DRAM1: variants seen among roughly 807,000 people sequenced by gnomAD.
The protein encoded by DRAM1 is DNA damage-regulated autophagy modulator protein 1.
A neutral mutation model predicts 28.5 loss-of-function variants in DRAM1; 25 were observed. That is an observed-to-expected ratio of 0.88 (90% CI 0.64 to 1.23). The LOEUF (loss-of-function observed/expected upper bound fraction) is 1.23, where lower values mean the gene tolerates loss of function less well. Among genes scored for constraint, DRAM1 ranks in the 50% most tolerant of loss-of-function variants. The pLI, the probability that DRAM1 is intolerant of heterozygous loss-of-function variation, is 0.00. For missense variants in DRAM1, 249 were observed against 299.2 expected (o/e 0.83, Z 1.24); for synonymous variants, 113 against 114.2 (o/e 0.99, Z 0.07).
chr12:101,909,937 C>T (rs150352184), intron 4 of DRAM1, among the ~76,000 whole-genome samples: 89 of 152,270 alleles, frequency 5.8e-4, no homozygotes, highest in African/African-American at 2.0e-3. Flanking sequence ...GTAGGAAAAT[C>T]GGAACTATGT....
At chr12:101,897,298 CAA>C (rs375719890) in intron 1 of DRAM1, among the ~76,000 whole-genome samples, 12 of 151,988 alleles carry the variant, frequency 7.9e-5, no homozygotes, top group African/African-American at 2.7e-4. Context: ...CTCCCTGGTT[CAA>C]GAGATTTTCC....
chr12:101,887,327 T>A (rs1312316788), intron 1 of DRAM1, among the ~76,000 whole-genome samples: 2 of 152,136 alleles, frequency 1.3e-5, no homozygotes, highest in African/African-American at 4.8e-5. Context: ...AAGACTTCCC[T>A]CCACTTTAAA....
intron 3 of DRAM1, among the ~76,000 whole-genome samples, chr12:101,903,903 G>A (rs1745557046): frequency 7.0e-6 from 1 of 142,322 alleles, no homozygotes; most frequent in Admixed American, 7.4e-5. Flanking sequence ...GGGAGACCGT[G>A]CCTCTGGAAA....
In DRAM1 at chr12:101,890,822, C is replaced by T. The variant is rs1258079456; in HGVS notation, c.132-7041C>T. ...CTGGAGTGCAATGGCGTGATCTCAG[C>T]TCACTGCAACCTCCACTTCCCGGGT... is the stretch of plus-strand genomic sequence containing the variant. On this transcript the variant is annotated intron_variant, in intron 1 of 6. Coordinates refer to ENST00000258534, the MANE Select transcript of DRAM1 (RefSeq NM_018370.3). Among the ~76,000 whole-genome samples the T allele has an allele frequency of 2.7e-5, 4 of 150,312 alleles. No individual in the cohort carries two copies. The East Asian group carries it at 7.8e-4, about 29-fold the overall frequency.
At chr12:101,920,035 C>A (rs754095863) in intron 5 of DRAM1, 74 bp from the exon 6 acceptor site, 25 of 1,083,032 alleles carry the variant, frequency 2.3e-5, no homozygotes, top group Non-Finnish European at 3.3e-5. Context: ...GGTTGAAACT[C>A]CTCATTGTAT....
chr12:101,882,560 A>C (rs1484294815), intron 1 of DRAM1, among the ~76,000 whole-genome samples: 1 of 151,368 alleles, frequency 6.6e-6, no homozygotes, highest in Non-Finnish European at 1.5e-5. Context: ...ATATTGGATA[A>C]ATTGGCAAAT....
intron 3 of DRAM1, among the ~76,000 whole-genome samples, chr12:101,903,806 G>A (rs180946150): frequency 2.6e-5 from 4 of 151,942 alleles, no homozygotes; most frequent in Non-Finnish European, 5.9e-5. Flanking sequence ...GCTCATACCT[G>A]TAATCCCAGC....
In DRAM1 at chr12:101,901,294, C is replaced by G; in HGVS notation, c.203C>G (p.Ala68Gly). Reference sequence around the variant, plus strand: ...TCAAAGTTCTCTTCTTTTTCAGGTGCAGCCACGATGTATACAAGATACAAA... The same window carrying G: ...TCAAAGTTCTCTTCTTTTTCAGGTGGAGCCACGATGTATACAAGATACAAA... ...FMINFSAFLG[A>G]ATMYTRYKIV... The change falls in exon 3 of 7, where the codon GCA (alanine) becomes GGA (glycine). Residue 68 changes from alanine to glycine, a missense_variant. Ala to Gly is a moderately conservative substitution (Grantham distance 60). Around this residue, in one of 3 missense-constraint regions of DRAM1, gnomAD observed 218 missense variants for 243.1 expected, o/e 0.90. Coordinates refer to ENST00000258534, the MANE Select transcript of DRAM1 (RefSeq NM_018370.3). 6.2e-7 allele frequency: 1 copy of G among 1,608,366 alleles called. No homozygotes were observed. The highest frequency in any genetic ancestry group is 8.5e-7 in the Non-Finnish European group (1 of 1,178,242).
In DRAM1 at chr12:101,908,166, ATT is replaced by A; in HGVS notation, c.343-18_343-17del. The A allele has an allele frequency of 6.3e-7, 1 of 1,595,454 alleles. No homozygotes were observed. Among genetic ancestry groups the A allele is most frequent in the Non-Finnish European group, 8.5e-7 (1 of 1,171,908 alleles). ...GACAAACCCACCCAGAGTAACACACATTTATGACTTTTTCTCCAGGAGTTAGC... is the reference window on the plus strand; with the variant it reads ...GACAAACCCACCCAGAGTAACACACATATGACTTTTTCTCCAGGAGTTAGC... On this transcript the variant is annotated intron_variant, in intron 3 of 6. Coordinates refer to ENST00000258534, the MANE Select transcript of DRAM1 (RefSeq NM_018370.3).
intron 6 of DRAM1, among the ~76,000 whole-genome samples, chr12:101,920,575 A>G (rs1177698311): frequency 1.3e-5 from 2 of 152,004 alleles, no homozygotes; most frequent in Non-Finnish European, 2.9e-5. Flanking sequence ...AGGAGGTCTC[A>G]CTTACTAGTT....
chr12:101,904,428 T>A (rs1873722345), intron 3 of DRAM1, among the ~76,000 whole-genome samples: 1 of 51,618 alleles, frequency 1.9e-5, no homozygotes, highest in Non-Finnish European at 3.3e-5. Flanking sequence ...GCTTTAGGGG[T>A]TTTTTTTTTT....
rs2121026218 is a variant in DRAM1 at position 101,887,000 on chromosome 12, C to T, written c.131+9080C>T. On this transcript the variant is annotated intron_variant, in intron 1 of 6. Coordinates refer to ENST00000258534, the MANE Select transcript of DRAM1 (RefSeq NM_018370.3). Reference sequence around the variant, plus strand: ...TTCTCTATTAAAAATACAAAATTAGCCGGGCATGGTGGCACACACTTGTAA... The same window carrying T: ...TTCTCTATTAAAAATACAAAATTAGTCGGGCATGGTGGCACACACTTGTAA... Among the ~76,000 whole-genome samples, 3 of 152,084 alleles carry T rather than the reference C, an allele frequency of 2.0e-5. No homozygotes were observed. In the South Asian group the frequency reaches 6.2e-4, roughly 32 times the overall value.
intron 4 of DRAM1, among the ~76,000 whole-genome samples, chr12:101,911,668 T>C (rs982059758): frequency 6.6e-6 from 1 of 152,212 alleles, no homozygotes; most frequent in East Asian, 1.9e-4. Flanking sequence ...CTAGTCCAGA[T>C]TGAGATGTGT....
chr12:101,900,044 A>G (rs1195344873), intron 2 of DRAM1, among the ~76,000 whole-genome samples: 3 of 152,246 alleles, frequency 2.0e-5, no homozygotes, highest in African/African-American at 4.8e-5. Flanking sequence ...AGTATGTACT[A>G]TATGATAGGG....
chr12:101,885,054 C>T (rs1872836448), intron 1 of DRAM1, among the ~76,000 whole-genome samples: 1 of 152,038 alleles, frequency 6.6e-6, no homozygotes, highest in South Asian at 2.1e-4. Flanking sequence ...CCACCTCATC[C>T]TCCCGAGTAG....
At chr12:101,905,214 A>G (rs998869144) in intron 3 of DRAM1, among the ~76,000 whole-genome samples, 3 of 152,164 alleles carry the variant, frequency 2.0e-5, no homozygotes, top group African/African-American at 7.2e-5. Flanking sequence ...TTTATTTTTC[A>G]TATATAACTT....
intron 2 of DRAM1, among the ~76,000 whole-genome samples, chr12:101,900,673 G>T (rs1873566159): frequency 1.3e-5 from 2 of 152,126 alleles, no homozygotes; most frequent in Non-Finnish European, 2.9e-5. Flanking sequence ...AAAAGGCAAG[G>T]GCATACACAA....
intron 3 of DRAM1, among the ~76,000 whole-genome samples, chr12:101,905,243 A>G (rs569161891): frequency 4.9e-4 from 74 of 152,184 alleles, no homozygotes; most frequent in African/African-American, 1.5e-3. Context: ...CTATATGCCT[A>G]TGTTAGGAAT....
chr12:101,891,357 A>G (rs1281418365), intron 1 of DRAM1, among the ~76,000 whole-genome samples: 4 of 152,210 alleles, frequency 2.6e-5, no homozygotes, highest in Non-Finnish European at 5.9e-5. Flanking sequence ...AGTTCCTCCA[A>G]TAAACCATAA....
Sources: allele counts gnomAD v4.1 joint callset (sites outside exome capture counted in the v4.1 genomes callset), GRCh38; gene constraint gnomAD v4.1.1; regional missense constraint gnomAD v4.1.1; transcripts MANE v1.5; gene names NCBI Gene and HGNC (gene_info 2026-07-23, HGNC 2026-07-21).